KCNT2: variants seen among roughly 807,000 people sequenced by gnomAD.
The protein encoded by KCNT2 is potassium sodium-activated channel subfamily T member 2, also known as potassium channel subfamily T member 2.
Under a neutral mutation model 153.8 loss-of-function variants are expected in KCNT2, and 67 were observed. That is an observed-to-expected ratio of 0.44 (90% CI 0.36 to 0.53). The LOEUF is 0.53. Among genes scored for constraint, KCNT2 ranks in the 20% least tolerant of loss-of-function variants. The probability of loss-of-function intolerance (pLI) is 0.00; values close to 1 mark genes in which losing one functional copy is unlikely to be tolerated. For synonymous variants in KCNT2, 500 were observed against 458.8 expected, an observed-to-expected ratio of 1.09 and a Z score of -1.15; for missense variants, 975 against 1,354.8, an observed-to-expected ratio of 0.72 and a Z score of 4.40.
intron 16 of KCNT2, among the ~76,000 whole-genome samples, chr1:196,339,189 A>G (rs1247094621): frequency 3.9e-5 from 6 of 152,094 alleles, no homozygotes; most frequent in Non-Finnish European, 8.8e-5. Flanking sequence ...TGACCACACA[A>G]TGAAAATGAA....
intron 13 of KCNT2, among the ~76,000 whole-genome samples, chr1:196,394,592 A>G (rs1670764046): frequency 6.6e-6 from 1 of 151,576 alleles, no homozygotes; most frequent in Non-Finnish European, 1.5e-5. Context: ...TTGACCATGC[A>G]GTTGAAGATT....
intron 25 of KCNT2, among the ~76,000 whole-genome samples, chr1:196,276,503 G>A (rs180875020): frequency 6.6e-6 from 1 of 151,806 alleles, no homozygotes; most frequent in South Asian, 2.1e-4. Flanking sequence ...ACCTGCTCTA[G>A]GTCTCCCTTT....
chr1:196,250,171 A>T (rs180868478), intron 26 of KCNT2, among the ~76,000 whole-genome samples: 2 of 152,140 alleles, frequency 1.3e-5, no homozygotes, highest in Non-Finnish European at 2.9e-5. Flanking sequence ...AAACTGGCAG[A>T]ATCACATTAC....
chr1:196,496,197 C>T (rs114772497), intron 1 of KCNT2, among the ~76,000 whole-genome samples: 216 of 152,172 alleles, frequency 1.4e-3, no homozygotes, highest in African/African-American at 3.8e-3. Flanking sequence ...AGGCCAGGCA[C>T]GGTGGCTCAC....
chr1:196,574,467 A>C (rs1661129586), intron 1 of KCNT2, among the ~76,000 whole-genome samples: 1 of 151,894 alleles, frequency 6.6e-6, no homozygotes, highest in Non-Finnish European at 1.5e-5. Context: ...AGTAGGTAGC[A>C]AGGGAAGACT....
intron 22 of KCNT2, among the ~76,000 whole-genome samples, chr1:196,297,553 G>T (rs1401525110): frequency 3.9e-5 from 6 of 152,050 alleles, no homozygotes; most frequent in Admixed American, 6.5e-5. Flanking sequence ...CATTAAGATT[G>T]TTATCCATAT....
chr1:196,429,319 T>TA (rs1466635728), intron 9 of KCNT2, among the ~76,000 whole-genome samples: 6 of 150,538 alleles, frequency 4.0e-5, no homozygotes, highest in Non-Finnish European at 7.4e-5. Flanking sequence ...TACCCTATAC[T>TA]AAAAAAAATC....
intron 8 of KCNT2, among the ~76,000 whole-genome samples, chr1:196,432,090 CTT>C (rs1479101982): frequency 6.6e-6 from 1 of 152,072 alleles, no homozygotes; most frequent in East Asian, 1.9e-4. Context: ...GTGCAGTGCT[CTT>C]TGGCTACCCC....
Sources: gnomAD v4.1 joint callset for allele counts (sites outside exome capture counted in the v4.1 genomes callset) on GRCh38, gnomAD v4.1.1 for gene constraint, MANE v1.5 for transcripts, NCBI Gene and HGNC (gene_info 2026-07-23, HGNC 2026-07-21) for gene names.